The following DGLUCY variants were observed in gnomAD, a reference collection of about 807,000 sequenced individuals.
DGLUCY encodes D-glutamate cyclase.
In DGLUCY, 58 loss-of-function variants were observed where a neutral mutation model predicts 58.5. The observed-to-expected ratio is 0.99, with a 90% CI of 0.80 to 1.23. The LOEUF is 1.23. Among genes scored for constraint, DGLUCY ranks in the 50% most tolerant of loss-of-function variants. The pLI is 0.00. For synonymous variants in DGLUCY, 325 were observed against 314.1 expected (o/e 1.03, Z -0.37); for missense variants, 779 against 784.7 (o/e 0.99, Z 0.09).
chr14:91,181,289 G>C lies in DGLUCY; in HGVS notation c.834G>C (p.Glu278Asp). 1 of 1,614,148 alleles carries C rather than the reference G, an allele frequency of 6.2e-7. No homozygotes were observed. Residue 278 changes from glutamate to aspartate, a missense_variant, in exon 8 of 14, where the codon GAG (glutamate) becomes GAC (aspartate). Transcript: ENST00000256324. Reference sequence around the variant, plus strand: ...GTCTCACCCCAGAGAGAATTCCAGAGGTCCATCACATTTCCCAAGATCCTC... The same window carrying C: ...GTCTCACCCCAGAGAGAATTCCAGACGTCCATCACATTTCCCAAGATCCTC... ...PGCLTPERIPEVHHISQDPLH... is the reference protein window; with the variant it reads ...PGCLTPERIPDVHHISQDPLH...
chr14:91,202,843 C>A (rs372125121), intron 11 of DGLUCY, among the ~76,000 whole-genome samples: 1 of 152,140 alleles, frequency 6.6e-6, no homozygotes, highest in Admixed American at 6.5e-5. Flanking sequence ...GACCCTTGGG[C>A]CCTTCTCACG....
chr14:91,203,639 A>G (rs1288168348), intron 11 of DGLUCY, among the ~76,000 whole-genome samples: 2 of 151,680 alleles, frequency 1.3e-5, no homozygotes, highest in African/African-American at 4.8e-5. Flanking sequence ...ACCACCTCAA[A>G]GGGTACATGC....
chr14:91,069,075 G>T (rs1010667124), intron 1 of DGLUCY, among the ~76,000 whole-genome samples: 3 of 152,246 alleles, frequency 2.0e-5, no homozygotes, highest in Non-Finnish European at 4.4e-5. Context: ...ATGAAAAAGT[G>T]ATTCTTTTTT....
At chr14:91,077,158 A>T (rs2044034461) in intron 1 of DGLUCY, among the ~76,000 whole-genome samples, 1 of 151,916 alleles carries the variant, frequency 6.6e-6, no homozygotes, top group African/African-American at 2.4e-5. Flanking sequence ...AGGTGTGAGG[A>T]TCACTTGAGC....
At chr14:91,178,911 A>G (rs1186070048) in intron 7 of DGLUCY, among the ~76,000 whole-genome samples, 2 of 152,002 alleles carry the variant, frequency 1.3e-5, no homozygotes, top group Admixed American at 6.6e-5. Flanking sequence ...CACACCTATA[A>G]TCCCAGCTAC....
chr14:91,204,643 TGCTTCA>T lies in DGLUCY; in HGVS notation c.1445-61_1445-56del. 5 of 1,588,398 alleles carry T rather than the reference TGCTTCA, an allele frequency of 3.1e-6. No homozygotes were observed. In the South Asian group the frequency reaches 5.6e-5, roughly 18 times the overall value. On this transcript the variant is annotated intron_variant, in intron 11 of 13. Coordinates refer to ENST00000256324, the MANE Select transcript of DGLUCY (RefSeq NM_001102368.3). ...GCAACAAGCACATGTAGGGCTGCCTTGCTTCAGGCCTCCCCCATTTTGCCCTGGTCC... is the reference window on the plus strand; with the variant it reads ...GCAACAAGCACATGTAGGGCTGCCTTGGCCTCCCCCATTTTGCCCTGGTCC...
intron 2 of DGLUCY, among the ~76,000 whole-genome samples, chr14:91,158,633 A>G (rs1050441057): frequency 2.6e-5 from 4 of 152,054 alleles, no homozygotes; most frequent in African/African-American, 4.8e-5. Flanking sequence ...AACCCTCACT[A>G]TGGGCACTGT....
At chr14:91,188,868 TA>T (rs35480032) in intron 8 of DGLUCY, 41 bp from the exon 9 acceptor site, 1 of 1,555,404 alleles carries the variant, frequency 6.4e-7, no homozygotes, top group African/African-American at 1.4e-5. Context: ...CAAATAATTT[TA>T]AAAATATAGT....
intron 1 of DGLUCY, among the ~76,000 whole-genome samples, 176 bp from the exon 2 acceptor site, chr14:91,157,463 T>C (rs2047725932): frequency 6.6e-6 from 1 of 152,238 alleles, no homozygotes; most frequent in East Asian, 1.9e-4. Flanking sequence ...GGATTAACAA[T>C]GCCTTTTTTG....
chr14:91,182,964 TTTTTATTTTAGTTTAGTTTATTTA>T (rs1284742627), intron 8 of DGLUCY, among the ~76,000 whole-genome samples: 1 of 150,724 alleles, frequency 6.6e-6, no homozygotes, highest in Non-Finnish European at 1.5e-5. Context: ...TATTTTTATT[TTTTTATTTTAGTTTAGTTTATTTA>T]TTTTATTTTA....
chr14:91,122,144 TATTAAGGAGC>T (rs1470712433), intron 1 of DGLUCY, among the ~76,000 whole-genome samples: 6 of 152,122 alleles, frequency 3.9e-5, no homozygotes, highest in African/African-American at 1.4e-4. Context: ...AGAGTAATTT[TATTAAGGAGC>T]TTTTTATTTT....
At chr14:91,130,730 C>T (rs1375304304) in intron 1 of DGLUCY, among the ~76,000 whole-genome samples, 1 of 151,568 alleles carries the variant, frequency 6.6e-6, no homozygotes, top group East Asian at 1.9e-4. Flanking sequence ...GCGATCTTAC[C>T]ACCTCAGCCT....
chr14:91,224,028 A>T (rs1404907559), intron 13 of DGLUCY, among the ~76,000 whole-genome samples: 1 of 151,918 alleles, frequency 6.6e-6, no homozygotes, highest in African/African-American at 2.4e-5. Context: ...AGATGCTCCC[A>T]CTCCCACAGT....
At chr14:91,196,558 C>A in intron 10 of DGLUCY, 84 bp downstream of exon 10, 1 of 1,144,010 alleles carries the variant, frequency 8.7e-7, no homozygotes, top group Non-Finnish European at 1.3e-6. Context: ...TGTCTGCACA[C>A]CCAAGCCCTT....
intron 5 of DGLUCY, among the ~76,000 whole-genome samples, chr14:91,171,768 C>G (rs539623466): frequency 7.9e-5 from 12 of 152,274 alleles, no homozygotes; most frequent in African/African-American, 2.9e-4. Flanking sequence ...AGCGAAACAC[C>G]AATAAAAGTC....
intron 1 of DGLUCY, among the ~76,000 whole-genome samples, chr14:91,090,265 C>G (rs2044289958): frequency 6.6e-6 from 1 of 152,162 alleles, no homozygotes; most frequent in Non-Finnish European, 1.5e-5. Flanking sequence ...TGGCTTCCAT[C>G]CCAGTCATGG....
chr14:91,090,124 CATTCCCCT>C (rs1404883462), intron 1 of DGLUCY, among the ~76,000 whole-genome samples: 2 of 152,202 alleles, frequency 1.3e-5, no homozygotes, highest in African/African-American at 4.8e-5. Context: ...CCCTAAAACC[CATTCCCCT>C]CTCCTCACTG....
At chr14:91,061,634 C>T (rs950727556) in intron 1 of DGLUCY, among the ~76,000 whole-genome samples, 2 of 152,154 alleles carry the variant, frequency 1.3e-5, no homozygotes, top group African/African-American at 4.8e-5. Flanking sequence ...GAGAGAAATA[C>T]CAGCAATAGA....
intron 13 of DGLUCY, 60 bp downstream of exon 13, chr14:91,215,616 G>C: frequency 6.2e-7 from 1 of 1,608,820 alleles, no homozygotes; most frequent in Non-Finnish European, 8.5e-7. Context: ...TGAGCAGCAG[G>C]CCTGAGGTCC....
Sources: gnomAD v4.1 joint callset for allele counts (sites outside exome capture counted in the v4.1 genomes callset) on GRCh38, gnomAD v4.1.1 for gene constraint, MANE v1.5 for transcripts, NCBI Gene and HGNC (gene_info 2026-07-23, HGNC 2026-07-21) for gene names.